The following KCNK10 variants were observed in gnomAD, a reference collection of about 807,000 sequenced individuals.
KCNK10 encodes potassium channel subfamily K member 10.
In KCNK10, 25 loss-of-function variants were observed where a neutral mutation model predicts 47.7. That is an observed-to-expected ratio of 0.52 (90% CI 0.38 to 0.73). The LOEUF is 0.73. Among genes scored for constraint, KCNK10 ranks in the 30% least tolerant of loss-of-function variants. KCNK10 has a pLI of 0.00. For missense variants in KCNK10, 563 were observed against 714.5 expected, an observed-to-expected ratio of 0.79 and a Z score of 2.42; for synonymous variants, 303 against 285.6, an observed-to-expected ratio of 1.06 and a Z score of -0.61.
intron 1 of KCNK10, among the ~76,000 whole-genome samples, chr14:88,278,980 A>T (rs529392304): frequency 6.6e-6 from 1 of 152,308 alleles, no homozygotes; most frequent in South Asian, 2.1e-4. Flanking sequence ...ACTCACAGGC[A>T]CATGGAGTAA....
chr14:88,192,440 A>C, intron 4 of KCNK10, 30 bp from the exon 5 acceptor site: 1 of 1,588,260 alleles, frequency 6.3e-7, no homozygotes, highest in Non-Finnish European at 8.6e-7. Flanking sequence ...AAGATAGGCA[A>C]GTCAGCGGCA....
At chr14:88,204,959 A>G (rs767273998) in intron 4 of KCNK10, among the ~76,000 whole-genome samples, 10 of 152,168 alleles carry the variant, frequency 6.6e-5, no homozygotes, top group Non-Finnish European at 1.5e-4. Context: ...GGTTTGGACA[A>G]ACGTCTGATG....
intron 1 of KCNK10, among the ~76,000 whole-genome samples, chr14:88,281,830 T>TTGTG (rs10541411): frequency 0.11 from 16,621 of 148,330 alleles, 1,040 homozygotes; most frequent in Middle Eastern, 0.22. Context: ...CAAGATACAT[T>TTGTG]TGTGTGTGTG....
At chr14:88,269,376 C>T (rs1034725007) in intron 1 of KCNK10, among the ~76,000 whole-genome samples, 3 of 152,196 alleles carry the variant, frequency 2.0e-5, no homozygotes, top group Non-Finnish European at 4.4e-5. Context: ...TAAGACGCAT[C>T]CCGCCTTCAG....
At chr14:88,258,011 G>A (rs1458646618) in intron 2 of KCNK10, among the ~76,000 whole-genome samples, 1 of 151,894 alleles carries the variant, frequency 6.6e-6, no homozygotes, top group East Asian at 1.9e-4. Context: ...AAATGTCTCC[G>A]GACATTGCCA....
At chr14:88,272,676 C>T (rs1431556522) in intron 1 of KCNK10, among the ~76,000 whole-genome samples, 2 of 152,076 alleles carry the variant, frequency 1.3e-5, no homozygotes, top group Admixed American at 1.3e-4. Flanking sequence ...AAGGCTAACA[C>T]AGGGAGAAGA....
intron 2 of KCNK10, 77 bp downstream of exon 2, chr14:88,263,125 T>C: frequency 8.3e-7 from 1 of 1,206,428 alleles, no homozygotes; most frequent in Non-Finnish European, 1.2e-6. Flanking sequence ...AAGGCAAGAC[T>C]AGAGACCCAG....
At chr14:88,270,691 A>G (rs1367751069) in intron 1 of KCNK10, 1 of 780,752 alleles carries the variant, frequency 1.3e-6, no homozygotes, top group Non-Finnish European at 2.4e-6. Flanking sequence ...CTCATCTCAC[A>G]TCTGTGCTTT....
At chr14:88,218,972 G>T (rs182534175) in intron 4 of KCNK10, among the ~76,000 whole-genome samples, 1 of 152,256 alleles carries the variant, frequency 6.6e-6, no homozygotes, top group Non-Finnish European at 1.5e-5. Context: ...TGGTTTCATG[G>T]TGTAGATTAA....
chr14:88,263,739 A>G (rs1205334506), intron 1 of KCNK10, among the ~76,000 whole-genome samples, 188 bp from the exon 2 acceptor site: 1 of 152,298 alleles, frequency 6.6e-6, no homozygotes, highest in Non-Finnish European at 1.5e-5. Flanking sequence ...GTTCTAAAAA[A>G]TAAGCACCAG....
chr14:88,295,223 G>A (rs938337442), intron 1 of KCNK10, among the ~76,000 whole-genome samples: 8 of 152,200 alleles, frequency 5.3e-5, no homozygotes, highest in Non-Finnish European at 4.4e-5. Context: ...TCACCCTTGT[G>A]GGAAGGCATT....
chr14:88,325,968 G>T (rs562959664), upstream of KCNK10, among the ~76,000 whole-genome samples: 394 of 152,100 alleles, frequency 2.6e-3, 2 homozygotes, highest in African/African-American at 9.3e-3. Context: ...GGAGGTGGGG[G>T]TAGACTCTAT....
intron 3 of KCNK10, among the ~76,000 whole-genome samples, chr14:88,236,383 T>A (rs1198299551): frequency 6.6e-6 from 1 of 152,112 alleles, no homozygotes; most frequent in African/African-American, 2.4e-5. Flanking sequence ...CAACTATCCT[T>A]CAAATGTTAA....
At chr14:88,210,821 A>T (rs2139850354) in intron 4 of KCNK10, among the ~76,000 whole-genome samples, 1 of 133,086 alleles carries the variant, frequency 7.5e-6, no homozygotes, top group South Asian at 2.7e-4. Flanking sequence ...GGCCTATAAA[A>T]GTTAAAGGAA....
At chr14:88,281,165 T>A (rs952964165) in intron 1 of KCNK10, among the ~76,000 whole-genome samples, 6 of 152,128 alleles carry the variant, frequency 3.9e-5, no homozygotes, top group African/African-American at 9.7e-5. Context: ...CGGTTACCAC[T>A]CAGTTTCTTT....
chr14:88,285,267 A>G (rs1212917668), intron 1 of KCNK10, among the ~76,000 whole-genome samples: 1 of 151,956 alleles, frequency 6.6e-6, no homozygotes, highest in Non-Finnish European at 1.5e-5. Flanking sequence ...GCGCACCACC[A>G]TGCCTGGCTA....
At chr14:88,252,189 A>G (rs1886819645) in intron 2 of KCNK10, among the ~76,000 whole-genome samples, 1 of 152,080 alleles carries the variant, frequency 6.6e-6, no homozygotes, top group South Asian at 2.1e-4. Flanking sequence ...TGCTGAGATT[A>G]TAGACATGAG....
At chr14:88,245,703 G>A (rs1281936909) in intron 2 of KCNK10, among the ~76,000 whole-genome samples, 1 of 152,210 alleles carries the variant, frequency 6.6e-6, no homozygotes, top group Non-Finnish European at 1.5e-5. Flanking sequence ...CAAAGGTGCA[G>A]CAGTAATCTC....
intron 4 of KCNK10, among the ~76,000 whole-genome samples, chr14:88,221,458 G>C (rs1385421092): frequency 6.6e-6 from 1 of 152,120 alleles, no homozygotes; most frequent in Non-Finnish European, 1.5e-5. Context: ...CTGAAAAGAT[G>C]CTCCACATTA....
Sources: gnomAD v4.1 joint callset for allele counts (sites outside exome capture counted in the v4.1 genomes callset) on GRCh38, gnomAD v4.1.1 for gene constraint, MANE v1.5 for transcripts, NCBI Gene and HGNC (gene_info 2026-07-23, HGNC 2026-07-21) for gene names.